CAST: variants seen among roughly 807,000 people sequenced by gnomAD.
CAST encodes the protein MIR583 host.
CAST carries 76 observed loss-of-function variants against 119.6 expected under a neutral mutation model. The ratio of observed to expected loss-of-function variants is 0.64; its 90% confidence interval spans 0.53 to 0.77. The LOEUF (loss-of-function observed/expected upper bound fraction) is 0.77. CAST is among the 30% of genes least tolerant of loss of function. The pLI is 0.00. For missense variants in CAST, 953 were observed against 946.5 expected (o/e 1.01, Z -0.09); for synonymous variants, 319 against 331.6 (o/e 0.96, Z 0.41).
chr5:96,208,774 C>T, the CAST span, among the ~76,000 whole-genome samples: 48 of 151,796 alleles, frequency 3.2e-4, no homozygotes, highest in Non-Finnish European at 6.3e-4. Context: ...ATGACATGTG[C>T]AGCTGAGAAG....
the CAST span, among the ~76,000 whole-genome samples, chr5:96,228,845 T>A: frequency 1.3e-3 from 201 of 152,264 alleles, 1 homozygote; most frequent in African/African-American, 4.7e-3. Flanking sequence ...TATAAGCAAA[T>A]GTTTAGCAAA....
Position 96,770,434 on chromosome 5 carries a change from A to C in CAST, c.2269-97A>C. Reference sequence around the variant, plus strand: ...GTCTTCCATTATTTAATTAAATTGGAGATCTCAGAATGGTCTGGATTAATT... The same window carrying C: ...GTCTTCCATTATTTAATTAAATTGGCGATCTCAGAATGGTCTGGATTAATT... On this transcript the variant is annotated intron_variant, in intron 29 of 31. Coordinates refer to ENST00000675179, the MANE Select transcript of CAST (RefSeq NM_001750.7). 4 of 695,858 alleles carry C rather than the reference A, an allele frequency of 5.7e-6. No individual in the cohort carries two copies. In the South Asian group the frequency reaches 6.8e-5, roughly 12 times the overall value. 43.1% of individuals were successfully genotyped at this position (695,858 alleles called of 1,614,324 possible).
chr5:96,295,881 A>G, the CAST span, among the ~76,000 whole-genome samples: 1 of 151,692 alleles, frequency 6.6e-6, no homozygotes, highest in African/African-American at 2.4e-5. Flanking sequence ...GTATGCACAC[A>G]TATATATATA....
At chr5:96,414,196 C>T in the CAST span, among the ~76,000 whole-genome samples, 1 of 151,654 alleles carries the variant, frequency 6.6e-6, no homozygotes, top group Non-Finnish European at 1.5e-5. Context: ...CTTGGGCAAG[C>T]CAGTTAACCC....
chr5:95,999,411 G>A, the CAST span, among the ~76,000 whole-genome samples: 45 of 152,198 alleles, frequency 3.0e-4, no homozygotes, highest in Middle Eastern at 3.4e-3. Flanking sequence ...TTTGCTTGGT[G>A]TGATCATAGC....
At chr5:96,183,153 A>T in the CAST span, among the ~76,000 whole-genome samples, 1 of 107,038 alleles carries the variant, frequency 9.3e-6, no homozygotes, top group African/African-American at 3.8e-5. Flanking sequence ...AAGAAAAAAA[A>T]TAAATAAAAT....
At chr5:96,577,203 T>C (rs1746687955) in intron 1 of CAST, among the ~76,000 whole-genome samples, 1 of 152,220 alleles carries the variant, frequency 6.6e-6, no homozygotes, top group Non-Finnish European at 1.5e-5. Flanking sequence ...AAATATATGA[T>C]CATAAAGTTG....
At chr5:96,421,990 C>T in the CAST span, 2 of 484,542 alleles carry the variant, frequency 4.1e-6, no homozygotes, top group Non-Finnish European at 6.9e-6. Flanking sequence ...ACTGTGGCAG[C>T]ATTAAAAAAA....
At chr5:96,481,328 A>G in the CAST span, among the ~76,000 whole-genome samples, 1 of 152,166 alleles carries the variant, frequency 6.6e-6, no homozygotes, top group Non-Finnish European at 1.5e-5. Context: ...GCCTTCTTTT[A>G]GATCCTTTAA....
intron 30 of CAST, 123 bp from the exon 31 acceptor site, chr5:96,771,521 T>C: frequency 1.5e-6 from 1 of 646,576 alleles, no homozygotes; most frequent in East Asian, 2.8e-5. Flanking sequence ...GAAGAGAAAC[T>C]GAAAGGACCA....
the CAST span, among the ~76,000 whole-genome samples, chr5:95,988,511 T>C: frequency 6.6e-6 from 1 of 152,210 alleles, no homozygotes. Flanking sequence ...TGTTTGATGA[T>C]TTTATTATCT....
chr5:96,121,045 AT>A, the CAST span, among the ~76,000 whole-genome samples: 1 of 151,936 alleles, frequency 6.6e-6, no homozygotes, highest in Non-Finnish European at 1.5e-5. Context: ...TTATCTACCC[AT>A]TTCCCAGCTT....
intron 1 of CAST, among the ~76,000 whole-genome samples, chr5:96,591,534 G>A (rs1002782526): frequency 2.0e-5 from 3 of 152,144 alleles, no homozygotes; most frequent in African/African-American, 7.2e-5. Flanking sequence ...CAATAAAGGA[G>A]GCAATTAATC....
the CAST span, among the ~76,000 whole-genome samples, chr5:96,459,853 G>T: frequency 1.3e-5 from 2 of 152,158 alleles, no homozygotes; most frequent in African/African-American, 4.8e-5. Context: ...TCAGTTCTGA[G>T]TGTGTCTAGG....
the CAST span, among the ~76,000 whole-genome samples, chr5:96,039,802 A>C: frequency 6.6e-6 from 1 of 152,166 alleles, no homozygotes; most frequent in Non-Finnish European, 1.5e-5. Context: ...GAAGTCAGGT[A>C]GCGTGATGCC....
chr5:96,061,906 C>T, the CAST span, among the ~76,000 whole-genome samples: 17 of 152,178 alleles, frequency 1.1e-4, no homozygotes, highest in African/African-American at 2.4e-4. Flanking sequence ...AATGTCTAAC[C>T]GAGTGGACAG....
At chr5:96,747,305 T>G in intron 17 of CAST, 40 bp from the exon 18 acceptor site, 1 of 1,386,434 alleles carries the variant, frequency 7.2e-7, no homozygotes, top group Non-Finnish European at 1.0e-6. Flanking sequence ...AAAGCAAAAT[T>G]TTCTATTTCA....
the CAST span, among the ~76,000 whole-genome samples, chr5:96,349,144 T>TTTTTTTTTTTTTTTTTTTTTTTTTTTTTC: frequency 6.9e-6 from 1 of 145,090 alleles, no homozygotes; most frequent in Non-Finnish European, 1.5e-5. Flanking sequence ...ACACTATTTT[T>TTTTTTTTTTTTTTTTTTTTTTTTTTTTTC]TTTTTTTTTT....
At position 96,742,642 on chromosome 5, in the gene CAST, T is replaced by C; in HGVS notation, c.1099-13T>C. 3 of 1,578,670 alleles carry C rather than the reference T, an allele frequency of 1.9e-6. No homozygotes were observed. Among genetic ancestry groups the C allele is most frequent in the Non-Finnish European group, 2.6e-6 (3 of 1,147,742 alleles). On this transcript the variant is annotated splice_polypyrimidine_tract_variant and intron_variant, in intron 15 of 31. Coordinates refer to ENST00000675179, the MANE Select transcript of CAST (RefSeq NM_001750.7). ...TGTCTTTTTTCATGCACAGGATTTT[T>C]TACTTTTAACAGGATACAATGAGTG...
Sources: gnomAD v4.1 joint callset for allele counts (sites outside exome capture counted in the v4.1 genomes callset) on GRCh38, gnomAD v4.1.1 for gene constraint, MANE v1.5 for transcripts, NCBI Gene and HGNC (gene_info 2026-07-23, HGNC 2026-07-21) for gene names.